Variants in PDZD2 observed in about 807,000 individuals in gnomAD.
The protein encoded by PDZD2 is PDZ domain-containing protein 2.
PDZD2 carries 90 observed loss-of-function variants against 220.7 expected under a neutral mutation model. The observed-to-expected ratio is 0.41, with a 90% CI of 0.34 to 0.49. PDZD2 has a LOEUF of 0.49. PDZD2 is among the 20% of genes least tolerant of loss of function. The pLI, the probability that PDZD2 is intolerant of heterozygous loss-of-function variation, is 0.28. For missense variants in PDZD2, 3,174 were observed against 3,608.5 expected, an observed-to-expected ratio of 0.88 and a Z score of 3.08; for synonymous variants, 1,375 against 1,450.5, an observed-to-expected ratio of 0.95 and a Z score of 1.18.
At chr5:31,953,047 G>A (rs1245981575) in intron 2 of PDZD2, among the ~76,000 whole-genome samples, 1 of 139,234 alleles carries the variant, frequency 7.2e-6, no homozygotes, top group Non-Finnish European at 1.5e-5. Flanking sequence ...AAGACAGAGT[G>A]AGACTCCATC....
rs145095873 is a variant in PDZD2, at chr5:32,058,175, C to G, written c.2200+72C>G. 3.8e-6 allele frequency: 3 copies of G among 799,914 alleles called. No individual in the cohort carries two copies. In the African/African-American group the frequency reaches 5.1e-5, roughly 14 times the overall value. 49.6% of individuals were successfully genotyped at this position (799,914 alleles called of 1,614,324 possible). On this transcript the variant is annotated intron_variant, in intron 12 of 24. Transcript: ENST00000438447. The stretch of plus-strand genomic sequence containing the variant: ...TTTGGAATCTGTTGTTAGCTTAATT[C>G]TTCCTTGTTGTTCTATGAATTATTC...
rs760026866 is a variant in PDZD2 at position 32,088,628 on chromosome 5, C to A, written c.5180C>A (p.Ser1727Tyr). 6.2e-7 allele frequency: 1 copy of A among 1,614,044 alleles called. No individual in the cohort carries two copies. Among genetic ancestry groups the A allele is most frequent in the South Asian group, 1.1e-5 (1 of 91,082 alleles). ...CACAGTCCGCCCATCATTCTCAGCT[C>A]CCCCAACATGGTAAATGGCTTGGAA... is the stretch of plus-strand genomic sequence containing the variant. ...HFHSPPIILS[S>Y]PNMVNGLEHD... The change falls in exon 20 of 25, where the codon TCC (serine) becomes TAC (tyrosine). Residue 1727 changes from serine to tyrosine, a missense_variant. By Grantham distance (144) the Ser-to-Tyr change is moderately radical. This residue lies in a region of PDZD2 where 1,861 missense variants were observed against 2,001.0 expected (regional missense o/e 0.93). Coordinates refer to ENST00000438447, the MANE Select transcript of PDZD2 (RefSeq NM_178140.4). This position sits in a 1 kb window ranked among gnomAD's most constrained non-coding sequence, Gnocchi z 4.6.
intron 6 of PDZD2, 74 bp from the exon 7 acceptor site, chr5:32,037,157 C>A: frequency 1.1e-6 from 1 of 901,764 alleles, no homozygotes; most frequent in Non-Finnish European, 1.8e-6. Flanking sequence ...CTTGAGATAA[C>A]ATTGTGGAGG....
At chr5:31,982,769 T>C (rs1318657051) in intron 2 of PDZD2, among the ~76,000 whole-genome samples, 2 of 152,226 alleles carry the variant, frequency 1.3e-5, no homozygotes, top group South Asian at 2.1e-4. Context: ...TTTTATTCCA[T>C]TGGAACTATA....
At chr5:31,896,959 G>A (rs1741624557) in intron 2 of PDZD2, among the ~76,000 whole-genome samples, 1 of 152,138 alleles carries the variant, frequency 6.6e-6, no homozygotes, top group Non-Finnish European at 1.5e-5. Context: ...TCAAAAACCA[G>A]TTACAAAGAA....
At chr5:31,703,939 C>G (rs1361742114) in intron 1 of PDZD2, among the ~76,000 whole-genome samples, 3 of 126,532 alleles carry the variant, frequency 2.4e-5, no homozygotes, top group Non-Finnish European at 5.3e-5. Flanking sequence ...TCTCCTCTCT[C>G]TCTCTCTTTC....
At chr5:31,770,729 A>C (rs2150197346) in intron 1 of PDZD2, among the ~76,000 whole-genome samples, 2 of 152,166 alleles carry the variant, frequency 1.3e-5, no homozygotes, top group East Asian at 3.9e-4. Context: ...AGCTCTACAC[A>C]CTGGGGTTCA....
intron 3 of PDZD2, among the ~76,000 whole-genome samples, chr5:31,994,318 T>A (rs1751466835): frequency 6.6e-6 from 1 of 151,214 alleles, no homozygotes; most frequent in Admixed American, 6.6e-5. Context: ...TGTTTTTTGT[T>A]TTTTTTTTAA....
At chr5:31,675,481 A>G (rs1268005583) in intron 1 of PDZD2, among the ~76,000 whole-genome samples, 6 of 149,688 alleles carry the variant, frequency 4.0e-5, no homozygotes, top group Non-Finnish European at 8.8e-5. Flanking sequence ...TCAAAGGGAT[A>G]ATAATAATAA....
chr5:31,720,613 T>C (rs1748731645), intron 1 of PDZD2, among the ~76,000 whole-genome samples: 1 of 152,182 alleles, frequency 6.6e-6, no homozygotes, highest in Non-Finnish European at 1.5e-5. Context: ...CATGCTTAGG[T>C]TTAACAAAGT....
chr5:31,948,336 CA>C (rs773369068), intron 2 of PDZD2, among the ~76,000 whole-genome samples: 28 of 152,272 alleles, frequency 1.8e-4, no homozygotes, highest in Admixed American at 3.9e-4. Context: ...GTAGATGGTG[CA>C]GATGCTCCAA....
intron 16 of PDZD2, among the ~76,000 whole-genome samples, chr5:32,071,730 C>T (rs941771860): frequency 2.0e-5 from 3 of 152,210 alleles, no homozygotes; most frequent in African/African-American, 4.8e-5. Context: ...AAGGAGGCCA[C>T]GCAATCTTCC....
At chr5:32,077,921 C>T (rs935141335) in intron 19 of PDZD2, 6 of 202,710 alleles carry the variant, frequency 3.0e-5, no homozygotes, top group African/African-American at 1.7e-4. Context: ...GGCACCATTG[C>T]ACTGCAGCCT....
intron 2 of PDZD2, among the ~76,000 whole-genome samples, chr5:31,963,261 C>T (rs1246310997): frequency 6.6e-6 from 1 of 152,168 alleles, no homozygotes; most frequent in Non-Finnish European, 1.5e-5. Context: ...TATGTTTAAA[C>T]ATTTAATATT....
intron 2 of PDZD2, among the ~76,000 whole-genome samples, chr5:31,863,460 T>C (rs1737908960): frequency 6.6e-6 from 1 of 152,234 alleles, no homozygotes; most frequent in Non-Finnish European, 1.5e-5. Context: ...ACATGTCTTA[T>C]TACACTTTTG....
intron 1 of PDZD2, among the ~76,000 whole-genome samples, chr5:31,723,882 T>C (rs1748952561): frequency 6.6e-6 from 1 of 152,114 alleles, no homozygotes; most frequent in Non-Finnish European, 1.5e-5. Flanking sequence ...CCTCCCAAAG[T>C]GCTGGGATTA....
chr5:31,896,112 A>G (rs1741524613), intron 2 of PDZD2, among the ~76,000 whole-genome samples: 1 of 152,058 alleles, frequency 6.6e-6, no homozygotes. Context: ...GGCATTCTCC[A>G]TTGGACCATG....
intron 1 of PDZD2, among the ~76,000 whole-genome samples, chr5:31,717,006 G>A (rs1748490982): frequency 6.6e-6 from 1 of 152,042 alleles, no homozygotes; most frequent in Non-Finnish European, 1.5e-5. Context: ...CATATGAAAG[G>A]TGTACAAAGG....
chr5:31,689,355 T>TATATATATATATATATATA (rs1208262874), intron 1 of PDZD2, among the ~76,000 whole-genome samples: 6 of 20,866 alleles, frequency 2.9e-4, no homozygotes, highest in African/African-American at 1.7e-3. Flanking sequence ...ATATATATAT[T>TATATATATATATATATATA]TTTTTTTTTT....
Sources: allele counts gnomAD v4.1 joint callset (sites outside exome capture counted in the v4.1 genomes callset), GRCh38; gene constraint gnomAD v4.1.1; regional missense constraint gnomAD v4.1.1; non-coding constraint Gnocchi (gnomAD v3.1); transcripts MANE v1.5; gene names NCBI Gene and HGNC (gene_info 2026-07-23, HGNC 2026-07-21).